NRXN1: variants seen among roughly 807,000 people sequenced by gnomAD.
NRXN1 encodes neurexin-1.
Under a neutral mutation model 150.9 loss-of-function variants are expected in NRXN1, and 39 were observed. The ratio of observed to expected loss-of-function variants is 0.26; its 90% CI spans 0.20 to 0.34. The LOEUF (loss-of-function observed/expected upper bound fraction) is 0.34. Among genes scored for constraint, NRXN1 ranks in the 10% least tolerant of loss-of-function variants. The probability of loss-of-function intolerance (pLI) is 1.00; values close to 1 mark genes in which losing one functional copy is unlikely to be tolerated. For synonymous variants in NRXN1, 924 were observed against 757.0 expected (o/e 1.22, Z -3.62); for missense variants, 1,815 against 1,949.9 (o/e 0.93, Z 1.30).
chr2:50,665,653 A>G (rs1559095722), intron 5 of NRXN1, among the ~76,000 whole-genome samples: 1 of 152,002 alleles, frequency 6.6e-6, no homozygotes, highest in Non-Finnish European at 1.5e-5. Context: ...TATTAACAAC[A>G]CAGCGTATAA....
intron 17 of NRXN1, among the ~76,000 whole-genome samples, chr2:50,345,027 G>C (rs1027397270): frequency 3.9e-5 from 6 of 152,204 alleles, no homozygotes; most frequent in African/African-American, 1.4e-4. Context: ...GGAACAACAA[G>C]CTCCTAGAAT....
At chr2:50,357,310 T>TTTA (rs1558590782) in intron 17 of NRXN1, among the ~76,000 whole-genome samples, 61 of 101,256 alleles carry the variant, frequency 6.0e-4, no homozygotes, top group East Asian at 1.1e-3. Context: ...TTATTTTTTT[T>TTTA]TTTATTTATT....
intron 5 of NRXN1, among the ~76,000 whole-genome samples, chr2:50,684,158 G>T (rs1449011294): frequency 6.6e-6 from 1 of 152,044 alleles, no homozygotes; most frequent in East Asian, 1.9e-4. Context: ...ATTTATAATT[G>T]TAATTTCAGA....
intron 17 of NRXN1, among the ~76,000 whole-genome samples, chr2:50,368,684 A>G (rs544628735): frequency 3.3e-5 from 5 of 152,140 alleles, no homozygotes; most frequent in South Asian, 2.1e-4. Context: ...GACATGCTCA[A>G]ATCTTTAAGG....
intron 17 of NRXN1, among the ~76,000 whole-genome samples, chr2:50,264,988 T>C (rs1433389722): frequency 6.6e-6 from 1 of 152,136 alleles, no homozygotes. Context: ...AAATAATTGA[T>C]GGGTATAGCG....
At chr2:50,598,975 T>C (rs1675791638) in intron 8 of NRXN1, among the ~76,000 whole-genome samples, 1 of 151,962 alleles carries the variant, frequency 6.6e-6, no homozygotes, top group African/African-American at 2.4e-5. Context: ...TTTCACCATG[T>C]TGGCCAGGCT....
chr2:50,109,029 T>G (rs929775905), intron 18 of NRXN1, among the ~76,000 whole-genome samples: 1 of 152,152 alleles, frequency 6.6e-6, no homozygotes, highest in Non-Finnish European at 1.5e-5. Flanking sequence ...GCAAAGATAT[T>G]GAGCAAAATG....
chr2:50,749,941 CA>C (rs1700401020), intron 5 of NRXN1, among the ~76,000 whole-genome samples: 1 of 152,000 alleles, frequency 6.6e-6, no homozygotes, highest in South Asian at 2.1e-4. Context: ...AAGCTTATTA[CA>C]GGGTATGCTT....
intron 18 of NRXN1, among the ~76,000 whole-genome samples, chr2:50,217,837 CT>C (rs2063512610): frequency 6.6e-6 from 1 of 152,064 alleles, no homozygotes; most frequent in South Asian, 2.1e-4. Flanking sequence ...TTTCATCTAA[CT>C]TATTGTTATT....
chr2:50,434,433 G>A (rs1255945313), intron 17 of NRXN1, among the ~76,000 whole-genome samples: 1 of 151,956 alleles, frequency 6.6e-6, no homozygotes, highest in African/African-American at 2.4e-5. Flanking sequence ...ACTTCATCTT[G>A]AAGAGAAACA....
chr2:50,305,204 C>G (rs771423102), intron 17 of NRXN1, among the ~76,000 whole-genome samples: 2 of 152,164 alleles, frequency 1.3e-5, no homozygotes, highest in African/African-American at 4.8e-5. Context: ...AATGATTTTA[C>G]AGACTCAAGG....
intron 5 of NRXN1, among the ~76,000 whole-genome samples, chr2:50,776,630 T>G (rs901985982): frequency 3.2e-5 from 4 of 123,818 alleles, no homozygotes; most frequent in Non-Finnish European, 5.3e-5. Flanking sequence ...ATACATATAG[T>G]GAGATATATA....
chr2:50,490,828 A>C (rs61372799), intron 15 of NRXN1, among the ~76,000 whole-genome samples: 3,211 of 152,192 alleles, frequency 0.021, 123 homozygotes, highest in African/African-American at 0.074. Flanking sequence ...AAGTTCTTAT[A>C]CTCTGTGAGG....
At chr2:50,786,890 A>G (rs1705200600) in intron 5 of NRXN1, among the ~76,000 whole-genome samples, 1 of 152,162 alleles carries the variant, frequency 6.6e-6, no homozygotes, top group African/African-American at 2.4e-5. Context: ...CTAATAACAT[A>G]TAAAAAAATG....
At chr2:50,510,434 C>T (rs1193328541) in intron 12 of NRXN1, among the ~76,000 whole-genome samples, 1 of 126,224 alleles carries the variant, frequency 7.9e-6, no homozygotes, top group Non-Finnish European at 1.6e-5. Flanking sequence ...TGCAGTGAGC[C>T]GAGATCTCGC....
intron 2 of NRXN1, among the ~76,000 whole-genome samples, chr2:50,985,783 A>G (rs1382496717): frequency 1.3e-5 from 2 of 151,820 alleles, no homozygotes; most frequent in African/African-American, 2.4e-5. Flanking sequence ...ACATTTACCC[A>G]TATAAAAAAA....
intron 17 of NRXN1, among the ~76,000 whole-genome samples, chr2:50,291,117 AGT>A (rs2072869516): frequency 7.0e-6 from 1 of 143,854 alleles, no homozygotes; most frequent in Non-Finnish European, 1.5e-5. Flanking sequence ...TTGCTCCTGG[AGT>A]TGAACCACAG....
chr2:50,284,568 C>T (rs935050274), intron 17 of NRXN1, among the ~76,000 whole-genome samples: 5 of 152,144 alleles, frequency 3.3e-5, no homozygotes, highest in African/African-American at 4.8e-5. Flanking sequence ...CCATCATCCA[C>T]GTAGGGGAGT....
At chr2:50,189,051 TA>T (rs2061277685) in intron 18 of NRXN1, among the ~76,000 whole-genome samples, 1 of 152,114 alleles carries the variant, frequency 6.6e-6, no homozygotes, top group African/African-American at 2.4e-5. Flanking sequence ...CATTCTACTA[TA>T]AAGACACATG....
Sources: gnomAD v4.1 joint callset for allele counts (sites outside exome capture counted in the v4.1 genomes callset) on GRCh38, gnomAD v4.1.1 for gene constraint, MANE v1.5 for transcripts, NCBI Gene and HGNC (gene_info 2026-07-23, HGNC 2026-07-21) for gene names.